The following SLC2A9 variants were observed in gnomAD, a reference collection of about 807,000 sequenced individuals.
SLC2A9 encodes the protein solute carrier family 2, facilitated glucose transporter member 9.
Under a neutral mutation model 50.6 loss-of-function variants are expected in SLC2A9, and 39 were observed. That is an observed-to-expected ratio of 0.77 (90% CI 0.60 to 1.01). SLC2A9 has a LOEUF of 1.01. SLC2A9 is among the 50% of genes least tolerant of loss of function. The pLI is 0.00. For synonymous variants in SLC2A9, 324 were observed against 276.9 expected, an observed-to-expected ratio of 1.17 and a Z score of -1.69; for missense variants, 686 against 677.6, an observed-to-expected ratio of 1.01 and a Z score of -0.14.
intron 2 of SLC2A9, among the ~76,000 whole-genome samples, chr4:10,016,975 C>T (rs957780223): frequency 3.9e-5 from 6 of 152,186 alleles, no homozygotes; most frequent in East Asian, 1.9e-4. Flanking sequence ...GCACATCACA[C>T]GCTACTAACT....
chr4:9,814,423 A>G lies in SLC2A9; in HGVS notation n.420+11997T>C, dbSNP rs1577366515. Among the ~76,000 whole-genome samples the G allele has an allele frequency of 2.6e-5, 4 of 152,374 alleles. No homozygotes were observed. In the East Asian group the frequency reaches 7.7e-4, roughly 29 times the overall value. On this transcript the variant is annotated intron_variant and non_coding_transcript_variant, in intron 3 of 3. Coordinates refer to the SLC2A9 transcript ENST00000503280. Reference sequence around the variant, plus strand: ...GTTTGGGGATCCAAGAAGTGCTAAAAAACTCACTGAATGGTGAGAAAAACA... The same window carrying G: ...GTTTGGGGATCCAAGAAGTGCTAAAGAACTCACTGAATGGTGAGAAAAACA...
intron 10 of SLC2A9, among the ~76,000 whole-genome samples, chr4:9,836,704 T>C (rs1221988442): frequency 1.3e-5 from 2 of 152,132 alleles, no homozygotes; most frequent in African/African-American, 2.4e-5. Context: ...TATGCAGCAG[T>C]TGAGGTGATC....
downstream of SLC2A9, among the ~76,000 whole-genome samples, chr4:9,824,132 G>A (rs997691947): frequency 6.6e-6 from 1 of 152,020 alleles, no homozygotes; most frequent in Non-Finnish European, 1.5e-5. Flanking sequence ...TGAATGAATG[G>A]GTCATCATGG....
intron 11 of SLC2A9, among the ~76,000 whole-genome samples, chr4:9,832,228 G>A (rs974650999): frequency 2.6e-5 from 4 of 152,124 alleles, no homozygotes; most frequent in South Asian, 4.1e-4. Flanking sequence ...ATGGGCGGGC[G>A]TGAGTGGGGC....
chr4:9,902,744 G>A (rs1739879423), intron 8 of SLC2A9, among the ~76,000 whole-genome samples: 1 of 152,180 alleles, frequency 6.6e-6, no homozygotes, highest in South Asian at 2.1e-4. Context: ...CATAAGGACA[G>A]TCGTATTGGA....
rs374246875 is a variant in SLC2A9 at position 9,830,527 on chromosome 4, T to C, written c.1420-3927A>G. Among the ~76,000 whole-genome samples the C allele has an allele frequency of 3.7e-4, 57 of 152,236 alleles. 2 individuals are homozygous for C. The South Asian group carries it at 0.011, about 31-fold the overall frequency. ...ATGTACCCCAAACTTAGAATAAAAG[T>C]TGAAGAAAAACAAAAAGCTCAGAAA... On this transcript the variant is annotated intron_variant, in intron 11 of 11. Transcript: ENST00000264784.
At chr4:9,847,214 T>G (rs1427300401) in intron 10 of SLC2A9, among the ~76,000 whole-genome samples, 1 of 152,210 alleles carries the variant, frequency 6.6e-6, no homozygotes, top group Non-Finnish European at 1.5e-5. Context: ...TGACTTACAG[T>G]TCTGCACGGC....
At chr4:9,779,558 G>T (rs994347742), downstream of SLC2A9, among the ~76,000 whole-genome samples, 3 of 151,870 alleles carry the variant, frequency 2.0e-5, no homozygotes, top group Non-Finnish European at 2.9e-5. Context: ...GGGACTACAG[G>T]CGCCCGCCAC....
At chr4:9,997,879 A>T (rs1759007637) in intron 2 of SLC2A9, among the ~76,000 whole-genome samples, 1 of 152,234 alleles carries the variant, frequency 6.6e-6, no homozygotes, top group African/African-American at 2.4e-5. Context: ...GACTGAGATA[A>T]CATATTTGCA....
chr4:9,783,109 C>T, intron 3 of SLC2A9: 1 of 1,614,244 alleles, frequency 6.2e-7, no homozygotes, highest in East Asian at 2.2e-5. Context: ...TCATCTATGC[C>T]TTCAACGCCG....
chr4:9,807,569 G>A (rs1722292293), intron 3 of SLC2A9, among the ~76,000 whole-genome samples: 1 of 152,082 alleles, frequency 6.6e-6, no homozygotes, highest in African/African-American at 2.4e-5. Context: ...TGCATTTCCA[G>A]TGCATAGCAT....
At chr4:9,778,764 C>G (rs1717913055), downstream of SLC2A9, among the ~76,000 whole-genome samples, 1 of 152,156 alleles carries the variant, frequency 6.6e-6, no homozygotes, top group South Asian at 2.1e-4. Context: ...AAAGGAGGTT[C>G]AGAACACTCA....
At position 9,818,932 on chromosome 4, in the gene SLC2A9, C is replaced by T. The variant is rs544920138; in HGVS notation, n.420+7488G>A. On this transcript the variant is annotated intron_variant and non_coding_transcript_variant, in intron 3 of 3. Transcript: ENST00000503280. ...GGTCAGGAGATCGAGACCATCCTGGCTAACACAGTGAAACCCCGTCTCTAC... is the reference window on the plus strand; with the variant it reads ...GGTCAGGAGATCGAGACCATCCTGGTTAACACAGTGAAACCCCGTCTCTAC... 5.4e-4 allele frequency among the ~76,000 whole-genome samples: 82 copies of T among 151,930 alleles called. No homozygotes were observed. The South Asian group carries it at 0.011, about 21-fold the overall frequency.
intron 10 of SLC2A9, among the ~76,000 whole-genome samples, chr4:9,883,272 C>G (rs1183911815): frequency 6.6e-6 from 1 of 152,094 alleles, no homozygotes; most frequent in South Asian, 2.1e-4. Context: ...AAAGTTATTA[C>G]CAGAGACTGG....
intron 3 of SLC2A9, among the ~76,000 whole-genome samples, chr4:9,788,754 C>A (rs1319431201): frequency 6.6e-6 from 1 of 152,078 alleles, no homozygotes; most frequent in Non-Finnish European, 1.5e-5. Flanking sequence ...TTAGTGGGAG[C>A]CCTTTAAGTT....
In SLC2A9 at chr4:9,849,118, G is replaced by A. The variant is rs148228110; in HGVS notation, c.1292-14110C>T. Among the ~76,000 whole-genome samples the A allele has an allele frequency of 1.3e-4, 20 of 152,292 alleles. No homozygotes were observed. The East Asian group carries it at 3.9e-3, about 29-fold the overall frequency. On this transcript the variant is annotated intron_variant, in intron 10 of 11. Transcript: ENST00000264784. Reference sequence around the variant, plus strand: ...AGGCATCTTGTGAGGGGCCAGCAGGGGTGGATTCTAGGGTGTCTAGGAGGC... The same window carrying A: ...AGGCATCTTGTGAGGGGCCAGCAGGAGTGGATTCTAGGGTGTCTAGGAGGC...
At chr4:9,888,798 G>C (rs925164449) in intron 9 of SLC2A9, among the ~76,000 whole-genome samples, 1 of 152,148 alleles carries the variant, frequency 6.6e-6, no homozygotes, top group African/African-American at 2.4e-5. Context: ...GGCAGACAGA[G>C]GAATGGGGAA....
At chr4:9,889,998 T>G (rs574085310) in intron 9 of SLC2A9, among the ~76,000 whole-genome samples, 14 of 152,312 alleles carry the variant, frequency 9.2e-5, no homozygotes, top group African/African-American at 2.9e-4. Flanking sequence ...CCACCCCTCC[T>G]CCTTCATGGA....
intron 1 of SLC2A9, among the ~76,000 whole-genome samples, chr4:10,033,063 C>T (rs1763986821): frequency 6.6e-6 from 1 of 152,198 alleles, no homozygotes; most frequent in Non-Finnish European, 1.5e-5. Flanking sequence ...CTCCCTCATC[C>T]CTTTCACGTG....
Sources: allele counts gnomAD v4.1 joint callset (sites outside exome capture counted in the v4.1 genomes callset), GRCh38; gene constraint gnomAD v4.1.1; transcripts MANE v1.5; gene names NCBI Gene and HGNC (gene_info 2026-07-23, HGNC 2026-07-21).